HEPH: variants seen among roughly 807,000 people sequenced by gnomAD.
HEPH encodes the protein hephaestin.
HEPH carries 69 observed loss-of-function variants against 80.8 expected under a neutral mutation model. The ratio of observed to expected loss-of-function variants is 0.85; its 90% CI spans 0.70 to 1.04. The LOEUF is 1.04. Ranked by LOEUF, HEPH falls within the 50% of genes least tolerant of loss-of-function variation. The probability of loss-of-function intolerance (pLI) is 0.00; values close to 1 mark genes in which losing one functional copy is unlikely to be tolerated. For missense variants in HEPH, 1,115 were observed against 891.3 expected, an observed-to-expected ratio of 1.25 and a Z score of -3.20; for synonymous variants, 431 against 322.8, an observed-to-expected ratio of 1.34 and a Z score of -3.60.
At chrX:66,196,506 T>C (rs981912876) in intron 9 of HEPH, among the ~76,000 whole-genome samples, 2 of 112,311 alleles carry the variant, frequency 1.8e-5, no homozygotes, top group Admixed American at 9.4e-5. Flanking sequence ...TCCTTCCATA[T>C]GTTTCTTTGA....
chrX:66,203,691 C>T (rs1486638393), intron 13 of HEPH, 114 bp downstream of exon 13: 2 of 607,756 alleles, frequency 3.3e-6, no homozygotes, highest in South Asian at 6.0e-5. Flanking sequence ...GTGATACCAA[C>T]AGATTTGGGA....
chrX:66,228,391 T>C (rs1373689916), intron 15 of HEPH, among the ~76,000 whole-genome samples: 1 of 112,546 alleles, frequency 8.9e-6, no homozygotes, highest in African/African-American at 3.2e-5. Context: ...TCAAGATGGA[T>C]CAAAGTCTTA....
intron 15 of HEPH, among the ~76,000 whole-genome samples, chrX:66,211,450 G>A (rs73630914): frequency 9.0e-6 from 1 of 110,546 alleles, no homozygotes; most frequent in South Asian, 3.8e-4. Context: ...CTGCATATTT[G>A]TACCCTTTAA....
chrX:66,229,243 T>C (rs763948901), intron 15 of HEPH, among the ~76,000 whole-genome samples: 2 of 112,138 alleles, frequency 1.8e-5, no homozygotes, highest in African/African-American at 3.2e-5. Context: ...GATGTAGATA[T>C]ATATGTGCCA....
chrX:66,191,641 A>G (rs951344260), intron 6 of HEPH, among the ~76,000 whole-genome samples: 1 of 112,147 alleles, frequency 8.9e-6, no homozygotes, highest in Admixed American at 9.5e-5. Context: ...CTGATAGAAG[A>G]TGTTCTATTA....
chrX:66,180,439 A>C (rs1444074734), intron 4 of HEPH, among the ~76,000 whole-genome samples: 1 of 110,787 alleles, frequency 9.0e-6, no homozygotes, highest in East Asian at 2.8e-4. Context: ...TAGGGCCCCA[A>C]TCCCTTCTAG....
intron 5 of HEPH, among the ~76,000 whole-genome samples, chrX:66,189,021 C>A (rs937964417): frequency 3.0e-4 from 34 of 112,162 alleles, no homozygotes; most frequent in African/African-American, 1.1e-3. Context: ...AGGACATTGA[C>A]CATATTAATT....
Position 66,256,283 on chromosome X carries a change from G to A in HEPH, c.2849G>A (p.Ser950Asn), listed in dbSNP as rs776378499. ...VATHGSQDPG[S>N]INLQDETFLE... is the part of the protein sequence containing the mutation. Reference sequence around the variant, plus strand: ...ACCCATGGGTCCCAGGATCCAGGCAGTATTAACCTACAGGATGAAACTTTC... The same window carrying A: ...ACCCATGGGTCCCAGGATCCAGGCAATATTAACCTACAGGATGAAACTTTC... Residue 950 changes from serine to asparagine, a missense_variant, in exon 17 of 21, where the codon AGT becomes AAT. Coordinates refer to ENST00000343002, the MANE Select transcript of HEPH (RefSeq NM_001367233.3). 49 of 1,210,771 alleles carry A rather than the reference G, an allele frequency of 4.0e-5. No individual in the cohort carries two copies. Among genetic ancestry groups the A allele is most frequent in the Non-Finnish European group, 4.9e-5 (44 of 894,665 alleles).
intron 15 of HEPH, among the ~76,000 whole-genome samples, chrX:66,232,244 T>C (rs1317699723): frequency 1.8e-5 from 2 of 111,237 alleles, no homozygotes; most frequent in Non-Finnish European, 3.8e-5. Flanking sequence ...ATTCTCTTTT[T>C]TGGTTGTGTC....
At chrX:66,180,406 G>C (rs2147599234) in intron 4 of HEPH, among the ~76,000 whole-genome samples, 1 of 110,926 alleles carries the variant, frequency 9.0e-6, no homozygotes, top group Non-Finnish European at 1.9e-5. Flanking sequence ...GCTGATAATT[G>C]TTTTGTTTGT....
intron 15 of HEPH, among the ~76,000 whole-genome samples, chrX:66,222,324 G>T (rs929379887): frequency 1.8e-5 from 2 of 112,348 alleles, no homozygotes; most frequent in Non-Finnish European, 3.8e-5. Context: ...CCTGGAAAAG[G>T]GTTACCATGC....
intron 20 of HEPH, among the ~76,000 whole-genome samples, chrX:66,265,247 C>G (rs1333961776): frequency 9.1e-6 from 1 of 110,086 alleles, no homozygotes; most frequent in Non-Finnish European, 1.9e-5. Flanking sequence ...TGTCAGGTAC[C>G]AGGGATATCA....
chrX:66,193,569 G>A lies in HEPH; in HGVS notation c.1300G>A (p.Glu434Lys). The A allele has an allele frequency of 8.4e-7, 1 of 1,196,307 alleles. No homozygotes were observed. Among genetic ancestry groups the A allele is most frequent in the South Asian group, 1.8e-5 (1 of 55,093 alleles). The change falls in exon 8 of 21, where the codon GAA (glutamate) becomes AAA (lysine). Residue 434 changes from glutamate (E) to lysine (K), a missense_variant. By Grantham distance (56) the Glu-to-Lys change is moderately conservative (BLOSUM62 1). Around this residue, in one of 3 missense-constraint regions of HEPH, gnomAD observed 391 missense variants for 343.6 expected, o/e 1.14. Transcript: ENST00000343002. ...IGGTYWKVRY[E>K]AFQDETFQEK... The stretch of plus-strand genomic sequence containing the variant: ...GGGCACTTACTGGAAAGTGCGATAT[G>A]AAGCCTTTCAAGATGAGACATTCCA...
intron 8 of HEPH, 25 bp downstream of exon 8, chrX:66,193,663 T>C (rs2087931921): frequency 1.8e-6 from 2 of 1,141,661 alleles, no homozygotes; most frequent in Non-Finnish European, 2.4e-6. Context: ...AATTATGAAA[T>C]TCATTTACTA....
In HEPH at chrX:66,188,468, T is replaced by C. The variant is rs2087606334; in HGVS notation, c.735T>C (p.Ile245=). ...ENLSWHLNEN[I]ATYCSDPASV... ...TCAGCTGGCATCTCAATGAGAACATTGCCACTTACTGCTCAGATCCTGCTT... is the reference window on the plus strand; with the variant it reads ...TCAGCTGGCATCTCAATGAGAACATCGCCACTTACTGCTCAGATCCTGCTT... The change falls in exon 5 of 21, where the codon ATT becomes ATC. Residue 245 remains isoleucine, a synonymous_variant. Transcript: ENST00000343002. The C allele has an allele frequency of 8.3e-7, 1 of 1,207,952 alleles. No individual in the cohort carries two copies. The highest frequency in any genetic ancestry group is 1.8e-5 in the African/African-American group (1 of 57,035).
In HEPH at chrX:66,197,868, G is replaced by A; in HGVS notation, c.1687G>A (p.Gly563Ser). The A allele has an allele frequency of 3.3e-6, 4 of 1,201,778 alleles. No individual in the cohort carries two copies. Among genetic ancestry groups the A allele is most frequent in the Non-Finnish European group, 4.5e-6 (4 of 890,256 alleles). The change falls in exon 10 of 21, where the codon GGT becomes AGT. Residue 563 changes from glycine to serine, a missense_variant. Gly to Ser is a moderately conservative substitution (Grantham distance 56). Coordinates refer to ENST00000343002, the MANE Select transcript of HEPH (RefSeq NM_001367233.3). ...GGGCCCGCTGCTGGTGTGCAGGGCT[G>A]GTGCCTTGGGTGCAGATGGCAAGCA... ...LVGPLLVCRA[G>S]ALGADGKQKG...
chrX:66,212,891 G>T (rs1341497690), intron 15 of HEPH, among the ~76,000 whole-genome samples: 1 of 110,342 alleles, frequency 9.1e-6, no homozygotes, highest in African/African-American at 3.3e-5. Context: ...GAGAGGAATT[G>T]CATTGATTCT....
intron 15 of HEPH, among the ~76,000 whole-genome samples, chrX:66,225,415 T>G (rs1034817438): frequency 3.6e-5 from 4 of 110,944 alleles, no homozygotes; most frequent in Non-Finnish European, 7.6e-5. Context: ...AAAATCAGAG[T>G]ATCAAGAAAT....
At chrX:66,186,689 AC>A (rs1170526630) in intron 4 of HEPH, among the ~76,000 whole-genome samples, 4 of 111,363 alleles carry the variant, frequency 3.6e-5, no homozygotes, top group Non-Finnish European at 5.7e-5. Context: ...GGAGCTGTAG[AC>A]CGGAGCTGTT....
Sources: allele counts gnomAD v4.1 joint callset (sites outside exome capture counted in the v4.1 genomes callset), GRCh38; gene constraint gnomAD v4.1.1; regional missense constraint gnomAD v4.1.1; transcripts MANE v1.5; gene names NCBI Gene and HGNC (gene_info 2026-07-23, HGNC 2026-07-21).